The following HMBOX1 variants were observed in gnomAD, a reference collection of about 807,000 sequenced individuals.
HMBOX1 encodes homeobox-containing protein 1.
A neutral mutation model predicts 54.5 loss-of-function variants in HMBOX1; 14 were observed. That is an observed-to-expected ratio of 0.26 (90% CI 0.17 to 0.40). The LOEUF (loss-of-function observed/expected upper bound fraction) is 0.40. Ranked by LOEUF, HMBOX1 falls within the 10% of genes least tolerant of loss-of-function variation. The pLI is 1.00. For synonymous variants in HMBOX1, 160 were observed against 181.0 expected (o/e 0.88, Z 0.93); for missense variants, 332 against 514.4 (o/e 0.65, Z 3.43).
chr8:28,923,765 AT>A (rs1417589219), intron 1 of HMBOX1, among the ~76,000 whole-genome samples: 1 of 150,906 alleles, frequency 6.6e-6, no homozygotes, highest in East Asian at 1.9e-4. Context: ...CCTCACCAAC[AT>A]TTTTTTCTTT....
chr8:28,938,861 C>T (rs1386846744), intron 1 of HMBOX1, among the ~76,000 whole-genome samples: 1 of 152,136 alleles, frequency 6.6e-6, no homozygotes, highest in East Asian at 1.9e-4. Context: ...TTCATAAATT[C>T]TTCCTTTCTA....
At chr8:28,993,623 T>A (rs540398822) in intron 4 of HMBOX1, among the ~76,000 whole-genome samples, 2 of 152,182 alleles carry the variant, frequency 1.3e-5, no homozygotes, top group Admixed American at 6.5e-5. Context: ...TTGTTCCTTT[T>A]GGATTTTGTA....
At chr8:28,927,110 T>A (rs530075202) in intron 1 of HMBOX1, among the ~76,000 whole-genome samples, 1 of 152,286 alleles carries the variant, frequency 6.6e-6, no homozygotes, top group Non-Finnish European at 1.5e-5. Flanking sequence ...AATAACTTAT[T>A]TGTACATTTT....
intron 2 of HMBOX1, among the ~76,000 whole-genome samples, chr8:28,967,612 T>C (rs1563487395): frequency 6.6e-6 from 1 of 152,190 alleles, no homozygotes; most frequent in Admixed American, 6.5e-5. Context: ...AAAACAGTTA[T>C]TGAAGTCATC....
At chr8:29,034,866 T>C (rs1294049297) in intron 6 of HMBOX1, among the ~76,000 whole-genome samples, 1 of 151,886 alleles carries the variant, frequency 6.6e-6, no homozygotes, top group African/African-American at 2.4e-5. Flanking sequence ...CAAAATAAAA[T>C]AAATAAATAA....
chr8:28,933,432 A>G (rs1427491465), intron 1 of HMBOX1, among the ~76,000 whole-genome samples: 3 of 152,208 alleles, frequency 2.0e-5, no homozygotes, highest in Non-Finnish European at 4.4e-5. Context: ...TTAAACCCAA[A>G]GTAAACAGAG....
chr8:29,045,215 A>G (rs923424493), intron 6 of HMBOX1, 146 bp from the exon 7 acceptor site: 6 of 661,830 alleles, frequency 9.1e-6, no homozygotes, highest in African/African-American at 1.8e-5. Context: ...AAAAGATTCT[A>G]CTCTCACAGA....
Position 29,045,358 on chromosome 8 carries a change from C to T in HMBOX1, c.852-3C>T. The T allele has an allele frequency of 6.2e-7, 1 of 1,612,494 alleles. No homozygotes were observed. Among genetic ancestry groups the T allele is most frequent in the East Asian group, 2.2e-5 (1 of 44,888 alleles). On this transcript the variant is annotated splice_region_variant and splice_polypyrimidine_tract_variant and intron_variant, in intron 6 of 9. Coordinates refer to ENST00000287701, the MANE Select transcript of HMBOX1 (RefSeq NM_001135726.3). ...TTTGTGTCTGTATCGGTTGCCTCTG[C>T]AGTTACTTCAATGAGAATCAATACC...
intron 5 of HMBOX1, among the ~76,000 whole-genome samples, chr8:29,016,107 G>A (rs1432277570): frequency 6.6e-6 from 1 of 152,146 alleles, no homozygotes; most frequent in Non-Finnish European, 1.5e-5. Flanking sequence ...AAGATACTCA[G>A]TGATATTCAA....
intron 4 of HMBOX1, among the ~76,000 whole-genome samples, chr8:29,000,888 T>G (rs1027984875): frequency 6.6e-6 from 1 of 152,238 alleles, no homozygotes; most frequent in African/African-American, 2.4e-5. Flanking sequence ...TTACCAAAAT[T>G]CAGCATTTTT....
intron 6 of HMBOX1, among the ~76,000 whole-genome samples, chr8:29,024,717 A>G (rs769497841): frequency 2.0e-5 from 3 of 152,204 alleles, no homozygotes; most frequent in African/African-American, 7.2e-5. Context: ...TCACAATTCT[A>G]TACTGTAGGT....
At chr8:28,989,070 T>G (rs1001234730) in intron 4 of HMBOX1, among the ~76,000 whole-genome samples, 1 of 152,036 alleles carries the variant, frequency 6.6e-6, no homozygotes, top group Non-Finnish European at 1.5e-5. Context: ...GTCGGCAGTT[T>G]GAGACCAGCC....
intron 1 of HMBOX1, among the ~76,000 whole-genome samples, chr8:28,918,243 G>A (rs549801913): frequency 3.3e-5 from 5 of 152,036 alleles, no homozygotes; most frequent in South Asian, 2.1e-4. Flanking sequence ...TTGCTCTGTC[G>A]CCCTGGCTGG....
intron 1 of HMBOX1, among the ~76,000 whole-genome samples, chr8:28,924,095 A>G (rs527325547): frequency 2.7e-4 from 41 of 149,584 alleles, no homozygotes; most frequent in Middle Eastern, 3.5e-3. Context: ...GCCTTTGGAC[A>G]TAAGTGTTTT....
intron 1 of HMBOX1, among the ~76,000 whole-genome samples, chr8:28,901,090 A>G (rs1288421365): frequency 6.6e-6 from 1 of 152,204 alleles, no homozygotes; most frequent in Non-Finnish European, 1.5e-5. Context: ...TTGTGAGTAT[A>G]TGATTCAACA....
In HMBOX1 at chr8:29,048,937, A is replaced by T; in HGVS notation, c.1031-17A>T. On this transcript the variant is annotated splice_polypyrimidine_tract_variant and intron_variant, in intron 8 of 9. Transcript: ENST00000287701. ...AAGGTAACAGATAATTTAGGGATCTATTTGCTTTTTTCGAAGAAGCAGCAA... is the reference window on the plus strand; with the variant it reads ...AAGGTAACAGATAATTTAGGGATCTTTTTGCTTTTTTCGAAGAAGCAGCAA... The T allele has an allele frequency of 6.4e-7, 1 of 1,562,262 alleles. No individual in the cohort carries two copies. The highest frequency in any genetic ancestry group is 8.8e-7 in the Non-Finnish European group (1 of 1,139,446).
intron 1 of HMBOX1, among the ~76,000 whole-genome samples, chr8:28,893,641 A>G (rs1195893474): frequency 1.3e-5 from 2 of 152,238 alleles, no homozygotes; most frequent in African/African-American, 4.8e-5. Flanking sequence ...TAGAAACTTA[A>G]TAGCTCAGTG....
chr8:29,046,750 G>T (rs1191038492), intron 7 of HMBOX1, among the ~76,000 whole-genome samples: 1 of 152,218 alleles, frequency 6.6e-6, no homozygotes, highest in Non-Finnish European at 1.5e-5. Flanking sequence ...GGAGGCCAAG[G>T]TGGGCAGATC....
At position 28,985,540 on chromosome 8, in the gene HMBOX1, C is replaced by T. The variant is rs188794845; in HGVS notation, c.586+5384C>T. ...TTGTAAATGCATTTTATCAGATGTG[C>T]ATCTTACCTGTACCTAGTGATTCTC... On this transcript the variant is annotated intron_variant, in intron 4 of 9. Coordinates refer to ENST00000287701, the MANE Select transcript of HMBOX1 (RefSeq NM_001135726.3). Among the ~76,000 whole-genome samples the T allele has an allele frequency of 2.5e-3, 384 of 152,252 alleles. 8 individuals are homozygous for T. Among genetic ancestry groups the T allele is most frequent in the Middle Eastern group, 0.01 (3 of 294 alleles).
Sources: allele counts gnomAD v4.1 joint callset (sites outside exome capture counted in the v4.1 genomes callset), GRCh38; gene constraint gnomAD v4.1.1; transcripts MANE v1.5; gene names NCBI Gene and HGNC (gene_info 2026-07-23, HGNC 2026-07-21).